The following FAF1 variants were observed in gnomAD, a reference collection of about 807,000 sequenced individuals.
FAF1 encodes the protein FAS-associated factor 1.
FAF1 carries 25 observed loss-of-function variants against 92.5 expected under a neutral mutation model. The ratio of observed to expected loss-of-function variants is 0.27; its 90% CI spans 0.20 to 0.38. FAF1 has a LOEUF of 0.38. FAF1 is among the 10% of genes least tolerant of loss of function. FAF1 has a pLI of 1.00. For synonymous variants in FAF1, 234 were observed against 273.2 expected (o/e 0.86, Z 1.42); for missense variants, 636 against 793.3 (o/e 0.80, Z 2.38).
intron 1 of FAF1, among the ~76,000 whole-genome samples, chr1:50,937,693 T>G (rs1381929874): frequency 6.6e-6 from 1 of 152,204 alleles, no homozygotes; most frequent in Non-Finnish European, 1.5e-5. Context: ...TTTTAACCAC[T>G]GGAGCCAAGT....
At chr1:50,646,846 TTTC>T (rs1266709664) in intron 8 of FAF1, among the ~76,000 whole-genome samples, 4 of 152,130 alleles carry the variant, frequency 2.6e-5, no homozygotes, top group African/African-American at 4.8e-5. Flanking sequence ...AAGGACTCTA[TTTC>T]TTCTTCTTTC....
At chr1:50,878,534 T>G (rs573556442) in intron 1 of FAF1, among the ~76,000 whole-genome samples, 2 of 152,308 alleles carry the variant, frequency 1.3e-5, no homozygotes, top group South Asian at 4.1e-4. Context: ...GTAACAGAAT[T>G]CTGAAATTAA....
Position 50,695,760 on chromosome 1 carries a change from T to G in FAF1, c.657+10026A>C, listed in dbSNP as rs188772090. ...GCCTCCTGGGTTCAAGTGATTCTCC[T>G]GTCTCAGCCTCCTGAGTAGCTGGGA... is the stretch of plus-strand genomic sequence containing the variant. On this transcript the variant is annotated intron_variant, in intron 7 of 18. Transcript: ENST00000396153. Among the ~76,000 whole-genome samples the G allele has an allele frequency of 7.1e-3, 1,081 of 152,246 alleles. 8 individuals carry two copies. Among genetic ancestry groups the G allele is most frequent in the Non-Finnish European group, 0.012 (813 of 68,008 alleles).
At chr1:50,819,346 A>G (rs886379190) in intron 2 of FAF1, among the ~76,000 whole-genome samples, 3 of 151,854 alleles carry the variant, frequency 2.0e-5, no homozygotes, top group Non-Finnish European at 1.5e-5. Context: ...AAATTGCAGT[A>G]GCGCACGCCT....
chr1:50,496,791 A>C (rs1247343423), intron 15 of FAF1, among the ~76,000 whole-genome samples: 4 of 152,052 alleles, frequency 2.6e-5, no homozygotes, highest in Non-Finnish European at 4.4e-5. Flanking sequence ...TGGGAGGCTG[A>C]GGCAGGATAA....
intron 7 of FAF1, among the ~76,000 whole-genome samples, chr1:50,688,462 T>C (rs1656769298): frequency 6.6e-6 from 1 of 152,166 alleles, no homozygotes; most frequent in Admixed American, 6.6e-5. Context: ...AGTGTGTGAA[T>C]GGATAAACAA....
chr1:50,497,402 A>C (rs989158826), intron 15 of FAF1, among the ~76,000 whole-genome samples: 1 of 152,168 alleles, frequency 6.6e-6, no homozygotes, highest in Non-Finnish European at 1.5e-5. Flanking sequence ...TATGTATTAC[A>C]GTAAAAGTTA....
At chr1:50,954,596 G>A (rs1645249360) in intron 1 of FAF1, among the ~76,000 whole-genome samples, 3 of 146,496 alleles carry the variant, frequency 2.0e-5, no homozygotes, top group Admixed American at 6.9e-5. Context: ...GCTGGAGTGA[G>A]GTGAAATGAT....
At chr1:50,469,035 T>A (rs1646536340) in intron 18 of FAF1, among the ~76,000 whole-genome samples, 1 of 152,118 alleles carries the variant, frequency 6.6e-6, no homozygotes, top group African/African-American at 2.4e-5. Flanking sequence ...CAGATTAGAG[T>A]TTCATATATA....
intron 15 of FAF1, among the ~76,000 whole-genome samples, chr1:50,517,067 C>T (rs1647244573): frequency 6.6e-6 from 1 of 152,086 alleles, no homozygotes; most frequent in South Asian, 2.1e-4. Flanking sequence ...TAATCAAATA[C>T]ATTCATGTGC....
intron 4 of FAF1, among the ~76,000 whole-genome samples, chr1:50,769,419 A>T (rs1226357734): frequency 6.6e-6 from 1 of 152,222 alleles, no homozygotes; most frequent in African/African-American, 2.4e-5. Context: ...CTTGAGGAAG[A>T]GAGACTCCTC....
At chr1:50,888,101 G>T (rs1222216025) in intron 1 of FAF1, among the ~76,000 whole-genome samples, 1 of 152,216 alleles carries the variant, frequency 6.6e-6, no homozygotes, top group Non-Finnish European at 1.5e-5. Flanking sequence ...CACGTCCCTT[G>T]TAAGTTGGAT....
intron 1 of FAF1, among the ~76,000 whole-genome samples, chr1:50,946,739 C>A (rs184510788): frequency 9.2e-5 from 14 of 152,328 alleles, no homozygotes; most frequent in Admixed American, 9.1e-4. Context: ...TCAGCATGTT[C>A]TTGTGCTGGT....
chr1:50,924,580 C>G (rs12143261), intron 1 of FAF1, among the ~76,000 whole-genome samples: 310 of 152,218 alleles, frequency 2.0e-3, no homozygotes, highest in Non-Finnish European at 3.2e-3. Flanking sequence ...CATATAGAAG[C>G]ACAATAGACC....
At chr1:50,641,621 T>C (rs1654332742) in intron 8 of FAF1, among the ~76,000 whole-genome samples, 1 of 152,220 alleles carries the variant, frequency 6.6e-6, no homozygotes, top group Non-Finnish European at 1.5e-5. Context: ...TTTTTGTAAA[T>C]GCATCATGCA....
chr1:50,950,345 T>C (rs1255348613), intron 1 of FAF1, among the ~76,000 whole-genome samples: 2 of 152,222 alleles, frequency 1.3e-5, no homozygotes, highest in African/African-American at 4.8e-5. Flanking sequence ...TCCAGCCCTC[T>C]GAATTTACTA....
intron 13 of FAF1, among the ~76,000 whole-genome samples, chr1:50,551,714 G>A (rs1308640546): frequency 6.6e-6 from 1 of 152,114 alleles, no homozygotes; most frequent in Non-Finnish European, 1.5e-5. Flanking sequence ...ATAATAAGGT[G>A]TTCCAAAAGA....
intron 1 of FAF1, among the ~76,000 whole-genome samples, chr1:50,896,368 C>T (rs901266230): frequency 1.2e-4 from 19 of 152,250 alleles, no homozygotes; most frequent in Admixed American, 1.2e-3. Flanking sequence ...GATGTGATTA[C>T]TACAGTGTAT....
In FAF1 at chr1:50,861,390, A is replaced by G. The variant is rs530613372; in HGVS notation, c.46-3393T>C. Among the ~76,000 whole-genome samples, 116 of 151,984 alleles carry G rather than the reference A, an allele frequency of 7.6e-4. 1 individual carries two copies. The South Asian group carries it at 0.023, about 30-fold the overall frequency. On this transcript the variant is annotated intron_variant, in intron 1 of 18. Transcript: ENST00000396153. The stretch of plus-strand genomic sequence containing the variant: ...GTTATGAAGGTAGAATCTTCATGAT[A>G]GGATTAGTGCCCTTACATGGATGAA...
Sources: gnomAD v4.1 joint callset for allele counts (sites outside exome capture counted in the v4.1 genomes callset) on GRCh38, gnomAD v4.1.1 for gene constraint, MANE v1.5 for transcripts, NCBI Gene and HGNC (gene_info 2026-07-23, HGNC 2026-07-21) for gene names.